RGS7: variants seen among roughly 807,000 people sequenced by gnomAD.
The protein encoded by RGS7 is regulator of G-protein signaling 7.
RGS7 carries 27 observed loss-of-function variants against 81.1 expected under a neutral mutation model. That is an observed-to-expected ratio of 0.33 (90% confidence interval 0.25 to 0.46). RGS7 has a LOEUF of 0.46. Among genes scored for constraint, RGS7 ranks in the 20% least tolerant of loss-of-function variants. The pLI is 1.00. For synonymous variants in RGS7, 208 were observed against 207.7 expected, an observed-to-expected ratio of 1.00 and a Z score of -0.01; for missense variants, 396 against 607.4, an observed-to-expected ratio of 0.65 and a Z score of 3.66.
At chr1:240,777,293 A>T (rs2102944317) in intron 18 of RGS7, among the ~76,000 whole-genome samples, 1 of 152,190 alleles carries the variant, frequency 6.6e-6, no homozygotes, top group South Asian at 2.1e-4. Context: ...AAAAAAAAAA[A>T]TAGAAATTTG....
At chr1:241,066,673 G>A (rs946458779) in intron 3 of RGS7, among the ~76,000 whole-genome samples, 8 of 152,034 alleles carry the variant, frequency 5.3e-5, no homozygotes, top group East Asian at 1.9e-4. Context: ...TATAATCACC[G>A]TCACATCAAA....
Position 240,983,085 on chromosome 1 carries a change from C to A in RGS7, c.220G>T (p.Asp74Tyr). 6.5e-7 allele frequency: 1 copy of A among 1,537,482 alleles called. No individual in the cohort carries two copies. Among genetic ancestry groups the A allele is most frequent in the Non-Finnish European group, 9.0e-7 (1 of 1,113,654 alleles). ...GGGAAAATGATTTATTTACCTGGAT[C>A]TTCTATAGTTAAGTTCTTTATCAAC... is the stretch of plus-strand genomic sequence containing the variant. ...QWLIKNLTIE[D>Y]PVEALHLGTL... Residue 74 changes from aspartate to tyrosine, a missense_variant, in exon 4 of 19, where the codon GAT (aspartate) becomes TAT (tyrosine). Asp to Tyr is a radical substitution (Grantham distance 160). Transcript: ENST00000440928.
intron 2 of RGS7, among the ~76,000 whole-genome samples, chr1:241,250,846 G>A (rs1225318380): frequency 2.0e-5 from 3 of 152,206 alleles, no homozygotes; most frequent in African/African-American, 7.2e-5. Context: ...TAAGCCCTGT[G>A]GCTCTCTGGA....
chr1:241,043,896 C>T (rs924379765), intron 3 of RGS7, among the ~76,000 whole-genome samples: 2 of 151,720 alleles, frequency 1.3e-5, no homozygotes, highest in South Asian at 4.2e-4. Context: ...ATATTGGTAT[C>T]GACCAGGGTC....
At chr1:241,126,145 TTTA>T (rs562582758) in intron 2 of RGS7, among the ~76,000 whole-genome samples, 9 of 150,988 alleles carry the variant, frequency 6.0e-5, no homozygotes, top group Admixed American at 3.3e-4. Flanking sequence ...TATTTATTTA[TTTA>T]TTATTATTAT....
chr1:241,019,851 T>G (rs2059452292), intron 3 of RGS7, among the ~76,000 whole-genome samples: 1 of 152,210 alleles, frequency 6.6e-6, no homozygotes, highest in Admixed American at 6.5e-5. Flanking sequence ...TGCTACAGAT[T>G]TGAAAATGAT....
intron 2 of RGS7, among the ~76,000 whole-genome samples, chr1:241,205,537 T>G (rs930899379): frequency 1.3e-5 from 2 of 151,932 alleles, no homozygotes; most frequent in Non-Finnish European, 2.9e-5. Flanking sequence ...CTTGGCTCAC[T>G]TCAGCCTCCA....
At chr1:240,814,571 T>G (rs1252273134) in intron 12 of RGS7, 145 bp downstream of exon 12, 3 of 640,318 alleles carry the variant, frequency 4.7e-6, no homozygotes, top group Non-Finnish European at 5.6e-6. Flanking sequence ...TTTTTCTATG[T>G]GCAAAAAGGA....
chr1:241,284,179 T>G lies in RGS7; in HGVS notation c.78+71520A>C, dbSNP rs567324758. 2.0e-5 allele frequency among the ~76,000 whole-genome samples: 3 copies of G among 152,348 alleles called. No individual in the cohort carries two copies. The East Asian group carries it at 5.8e-4, about 29-fold the overall frequency. ...TTCTCATTCTTTTTGAGATCTTTCT[T>G]GTCCTCCATATAAGTGATTTTCAGT... On this transcript the variant is annotated intron_variant, in intron 2 of 18. Coordinates refer to ENST00000440928, the MANE Select transcript of RGS7 (RefSeq NM_001364886.1).
rs1573826690 is a variant in RGS7 at position 241,357,123 on chromosome 1, C to A, written c.-275G>T. 2.0e-5 allele frequency: 3 copies of A among 152,108 alleles called. No individual in the cohort carries two copies. The highest frequency in any genetic ancestry group is 7.2e-5 in the African/African-American group (3 of 41,410). The allele number at this position is 152,108 out of a possible 1,614,324, so 9.4% of individuals were successfully genotyped here. ...CTCCGGCAGCCGCCACTCGCGCCCG[C>A]TCCCCTGGGCCGCCTCGCTGGCTCT... On this transcript the variant is annotated 5_prime_UTR_variant, in exon 1 of 19. Coordinates refer to ENST00000440928, the MANE Select transcript of RGS7 (RefSeq NM_001364886.1).
chr1:240,906,256 C>T (rs937602298), intron 6 of RGS7, among the ~76,000 whole-genome samples: 3 of 152,126 alleles, frequency 2.0e-5, no homozygotes, highest in African/African-American at 7.2e-5. Flanking sequence ...TTGGATAGCC[C>T]ACACAGGTAC....
intron 6 of RGS7, among the ~76,000 whole-genome samples, chr1:240,926,508 T>C (rs1674458469): frequency 6.6e-6 from 1 of 152,196 alleles, no homozygotes; most frequent in South Asian, 2.1e-4. Context: ...TGTATCTGTT[T>C]TGTGATGTGT....
chr1:240,975,842 C>T (rs768685320), intron 4 of RGS7, among the ~76,000 whole-genome samples: 16 of 152,238 alleles, frequency 1.1e-4, no homozygotes, highest in Non-Finnish European at 1.6e-4. Flanking sequence ...GTTTAAAAGG[C>T]AGAGGAAACA....
At chr1:240,795,252 A>G (rs1686838165) in intron 18 of RGS7, among the ~76,000 whole-genome samples, 1 of 152,150 alleles carries the variant, frequency 6.6e-6, no homozygotes, top group Admixed American at 6.6e-5. Context: ...AAATCATTTG[A>G]CCAGGGACTA....
chr1:241,003,317 C>T (rs1284094138), intron 3 of RGS7, among the ~76,000 whole-genome samples: 5 of 151,924 alleles, frequency 3.3e-5, no homozygotes, highest in Non-Finnish European at 4.4e-5. Context: ...AAAAATTAGC[C>T]GGGCGTCGTG....
intron 2 of RGS7, among the ~76,000 whole-genome samples, chr1:241,172,775 T>G (rs2103265930): frequency 6.6e-6 from 1 of 152,344 alleles, no homozygotes; most frequent in East Asian, 1.9e-4. Flanking sequence ...GAAAGAAAAT[T>G]TTATTTTCAA....
intron 2 of RGS7, among the ~76,000 whole-genome samples, chr1:241,183,749 T>C (rs2071840520): frequency 6.6e-6 from 1 of 152,182 alleles, no homozygotes; most frequent in South Asian, 2.1e-4. Context: ...AGGCTCTATG[T>C]AGTAAAACAG....
intron 2 of RGS7, among the ~76,000 whole-genome samples, chr1:241,277,219 CTT>C (rs2078240648): frequency 6.6e-6 from 1 of 152,188 alleles, no homozygotes; most frequent in African/African-American, 2.4e-5. Context: ...TCTTTTTCGT[CTT>C]GTTATGCCCA....
At chr1:241,296,960 G>C (rs149584233) in intron 2 of RGS7, among the ~76,000 whole-genome samples, 14 of 151,152 alleles carry the variant, frequency 9.3e-5, no homozygotes, top group African/African-American at 3.4e-4. Context: ...CACAATTTTC[G>C]CAGCTCCTTT....
Sources: allele counts gnomAD v4.1 joint callset (sites outside exome capture counted in the v4.1 genomes callset), GRCh38; gene constraint gnomAD v4.1.1; transcripts MANE v1.5; gene names NCBI Gene and HGNC (gene_info 2026-07-23, HGNC 2026-07-21).